Variants in TMPRSS11F observed in about 807,000 individuals in gnomAD.
TMPRSS11F encodes transmembrane protease serine 11F.
Under a neutral mutation model 60.2 loss-of-function variants are expected in TMPRSS11F, and 47 were observed. The ratio of observed to expected loss-of-function variants is 0.78; its 90% confidence interval spans 0.62 to 1.00. The LOEUF (loss-of-function observed/expected upper bound fraction) is 1.00, where lower values mean the gene tolerates loss of function less well. Among genes scored for constraint, TMPRSS11F ranks in the 50% least tolerant of loss-of-function variants. The probability of loss-of-function intolerance (pLI) is 0.00; values close to 1 mark genes in which losing one functional copy is unlikely to be tolerated. For missense variants in TMPRSS11F, 519 were observed against 522.9 expected (o/e 0.99, Z 0.07); for synonymous variants, 166 against 167.3 (o/e 0.99, Z 0.06).
At chr4:68,072,251 T>TATATATATATATATATATATATAGA in intron 5 of TMPRSS11F, 72 bp downstream of exon 5, 1 of 119,400 alleles carries the variant, frequency 8.4e-6, no homozygotes, top group Non-Finnish European at 1.5e-5. Flanking sequence ...ATATATATAT[T>TATATATATATATATATATATATAGA]GCTTACAAAA....
intron 1 of TMPRSS11F, among the ~76,000 whole-genome samples, chr4:68,104,447 T>C (rs1724258167): frequency 6.6e-6 from 1 of 152,132 alleles, no homozygotes; most frequent in Non-Finnish European, 1.5e-5. Flanking sequence ...GTTCTCATGA[T>C]AGTGAGTGAG....
chr4:68,080,509 C>CTTGTTTAG (rs1723676392), intron 3 of TMPRSS11F: 1 of 152,200 alleles, frequency 6.6e-6, no homozygotes, highest in Non-Finnish European at 1.5e-5. Context: ...ACCTGAGCAC[C>CTTGTTTAG]TTGTTTAGTA....
intron 1 of TMPRSS11F, among the ~76,000 whole-genome samples, chr4:68,116,094 A>C (rs1273196220): frequency 1.3e-5 from 2 of 151,974 alleles, no homozygotes; most frequent in Non-Finnish European, 1.5e-5. Context: ...CAAAAAAAAA[A>C]CCCTTACAAT....
intron 3 of TMPRSS11F, among the ~76,000 whole-genome samples, chr4:68,081,206 C>T (rs1416574847): frequency 6.6e-6 from 1 of 152,086 alleles, no homozygotes; most frequent in Non-Finnish European, 1.5e-5. Flanking sequence ...ATATCTGTAG[C>T]CTTTTGATAC....
intron 8 of TMPRSS11F, among the ~76,000 whole-genome samples, chr4:68,064,242 T>C (rs1221034025): frequency 1.3e-5 from 2 of 151,628 alleles, no homozygotes; most frequent in East Asian, 1.9e-4. Context: ...AGGAGTGCAA[T>C]GTTTCGATCT....
At chr4:68,075,885 C>T (rs574791809) in intron 3 of TMPRSS11F, among the ~76,000 whole-genome samples, 31 of 151,680 alleles carry the variant, frequency 2.0e-4, no homozygotes, top group African/African-American at 5.6e-4. Context: ...CCCAGCTACT[C>T]GGGAGGCTGA....
chr4:68,070,744 G>A (rs1264634915), intron 5 of TMPRSS11F, among the ~76,000 whole-genome samples: 2 of 152,108 alleles, frequency 1.3e-5, no homozygotes, highest in Non-Finnish European at 2.9e-5. Flanking sequence ...ATGTTTGTTG[G>A]GTTAGTGATT....
chr4:68,054,160 G>A (rs1469936984), intron 9 of TMPRSS11F, 93 bp from the exon 10 acceptor site: 1 of 1,138,968 alleles, frequency 8.8e-7, no homozygotes, highest in Non-Finnish European at 1.3e-6. Flanking sequence ...AAGGAAATTG[G>A]TACACAGACC....
chr4:68,098,179 C>T (rs893243824), intron 2 of TMPRSS11F, among the ~76,000 whole-genome samples: 1 of 152,062 alleles, frequency 6.6e-6, no homozygotes, highest in African/African-American at 2.4e-5. Context: ...GTGGCAGGTG[C>T]CTATAATCCT....
intron 9 of TMPRSS11F, among the ~76,000 whole-genome samples, chr4:68,057,935 G>A (rs923595629): frequency 6.6e-6 from 1 of 152,104 alleles, no homozygotes; most frequent in South Asian, 2.1e-4. Flanking sequence ...TGAATCTAGA[G>A]GACATTATGC....
intron 1 of TMPRSS11F, among the ~76,000 whole-genome samples, chr4:68,122,471 C>G (rs76947114): frequency 0.01 from 1,587 of 152,132 alleles, 17 homozygotes; most frequent in East Asian, 0.027. Flanking sequence ...TTAAGTATAC[C>G]GAGGGATTTG....
At chr4:68,117,568 A>T (rs1224397840) in intron 1 of TMPRSS11F, among the ~76,000 whole-genome samples, 1 of 152,056 alleles carries the variant, frequency 6.6e-6, no homozygotes, top group African/African-American at 2.4e-5. Flanking sequence ...GAGACGGTGA[A>T]CAACATTCCT....
chr4:68,106,841 A>G (rs1269824293), intron 1 of TMPRSS11F, among the ~76,000 whole-genome samples: 1 of 152,226 alleles, frequency 6.6e-6, no homozygotes, highest in African/African-American at 2.4e-5. Context: ...GAAACTGGTT[A>G]TAATAATTTC....
intron 1 of TMPRSS11F, among the ~76,000 whole-genome samples, chr4:68,109,621 T>G (rs533223813): frequency 6.6e-6 from 1 of 152,288 alleles, no homozygotes; most frequent in East Asian, 1.9e-4. Context: ...GTTTATATAT[T>G]AGTTCAACTT....
intron 1 of TMPRSS11F, among the ~76,000 whole-genome samples, chr4:68,125,838 C>G (rs1346717148): frequency 6.6e-6 from 1 of 152,150 alleles, no homozygotes; most frequent in African/African-American, 2.4e-5. Context: ...CTTCCCAAGA[C>G]TTCTTTAAGT....
chr4:68,128,647 AT>A (rs1724759831), intron 1 of TMPRSS11F, among the ~76,000 whole-genome samples: 2 of 152,212 alleles, frequency 1.3e-5, no homozygotes, highest in Admixed American at 1.3e-4. Flanking sequence ...AATTTTTCTA[AT>A]TTTTTAAAGA....
intron 1 of TMPRSS11F, among the ~76,000 whole-genome samples, chr4:68,111,343 G>T (rs1724406931): frequency 6.6e-6 from 1 of 151,970 alleles, no homozygotes; most frequent in Non-Finnish European, 1.5e-5. Flanking sequence ...TTTGCCTACT[G>T]TATTAAAAAC....
chr4:68,114,071 T>C (rs1724464850), intron 1 of TMPRSS11F, among the ~76,000 whole-genome samples: 1 of 152,052 alleles, frequency 6.6e-6, no homozygotes, highest in Non-Finnish European at 1.5e-5. Context: ...AAAAATATTT[T>C]GTTTTAAATG....
intron 5 of TMPRSS11F, among the ~76,000 whole-genome samples, chr4:68,071,351 T>A (rs1290793238): frequency 1.3e-5 from 2 of 152,222 alleles, no homozygotes; most frequent in Non-Finnish European, 2.9e-5. Flanking sequence ...TAACTTTAGA[T>A]AACTTGTTTC....
Sources: allele counts gnomAD v4.1 joint callset (sites outside exome capture counted in the v4.1 genomes callset), GRCh38; gene constraint gnomAD v4.1.1; transcripts MANE v1.5; gene names NCBI Gene and HGNC (gene_info 2026-07-23, HGNC 2026-07-21).